Variants in PAM observed in about 807,000 individuals in gnomAD.
PAM encodes the protein peptidyl-glycine alpha-amidating monooxygenase.
PAM carries 72 observed loss-of-function variants against 122.1 expected under a neutral mutation model. The observed-to-expected ratio is 0.59, with a 90% CI of 0.49 to 0.72. PAM has a LOEUF of 0.72. PAM is among the 30% of genes least tolerant of loss of function. The pLI is 0.00. For missense variants in PAM, 1,106 were observed against 1,183.7 expected (o/e 0.93, Z 0.96); for synonymous variants, 389 against 404.4 (o/e 0.96, Z 0.46).
upstream of PAM, chr5:102,754,924 C>T (rs929893295): frequency 6.6e-6 from 1 of 152,304 alleles, no homozygotes; most frequent in Non-Finnish European, 1.5e-5. Flanking sequence ...AGTTCCAGCT[C>T]TTGGCTACCT....
At chr5:102,831,899 G>A (rs957659927) in intron 1 of PAM, among the ~76,000 whole-genome samples, 1 of 148,136 alleles carries the variant, frequency 6.8e-6, no homozygotes, top group Non-Finnish European at 1.5e-5. Flanking sequence ...TCTCTCCCCC[G>A]CCCGCCCCTG....
At chr5:103,011,105 T>A (rs928507843) in intron 21 of PAM, among the ~76,000 whole-genome samples, 5 of 152,040 alleles carry the variant, frequency 3.3e-5, no homozygotes, top group Admixed American at 2.6e-4. Flanking sequence ...CAAAAAACCC[T>A]TACAACTCCA....
intron 1 of PAM, among the ~76,000 whole-genome samples, chr5:102,832,484 A>G (rs1775762987): frequency 6.6e-6 from 1 of 152,172 alleles, no homozygotes; most frequent in Non-Finnish European, 1.5e-5. Context: ...CCCTACAAAT[A>G]CATATCTATG....
At chr5:102,933,694 AG>A (rs1344124861) in intron 7 of PAM, among the ~76,000 whole-genome samples, 1 of 152,258 alleles carries the variant, frequency 6.6e-6, no homozygotes, top group East Asian at 1.9e-4. Flanking sequence ...CTGTGACTCC[AG>A]CTGTATCTCT....
intron 16 of PAM, among the ~76,000 whole-genome samples, chr5:102,997,852 T>C (rs919957789): frequency 5.3e-5 from 8 of 152,220 alleles, no homozygotes; most frequent in African/African-American, 1.7e-4. Context: ...TGATAGAGGA[T>C]GTTTTTCACT....
intron 24 of PAM, 187 bp downstream of exon 24, chr5:103,025,521 T>C (rs374129152): frequency 1.3e-4 from 81 of 625,406 alleles, no homozygotes; most frequent in East Asian, 9.3e-4. Flanking sequence ...CAGTACAAAA[T>C]AGTATCTGGA....
chr5:103,028,653 T>C (rs1262599586), intron 25 of PAM, among the ~76,000 whole-genome samples: 1 of 152,210 alleles, frequency 6.6e-6, no homozygotes, highest in Non-Finnish European at 1.5e-5. Flanking sequence ...AAAGTGAATA[T>C]GAAATATTCC....
chr5:102,780,755 CTTTCTTTCTTTCTT>C (rs1412144898), intron 1 of PAM, among the ~76,000 whole-genome samples: 4 of 16,272 alleles, frequency 2.5e-4, no homozygotes, highest in African/African-American at 9.4e-4. Context: ...CTTTCTTTCT[CTTTCTTTCTTTCTT>C]TCTTTCTTTC....
chr5:102,874,355 T>C (rs904121369), intron 3 of PAM, among the ~76,000 whole-genome samples: 1 of 152,198 alleles, frequency 6.6e-6, no homozygotes, highest in African/African-American at 2.4e-5. Flanking sequence ...CAAATTAAAG[T>C]CACTTGTCAT....
chr5:102,944,452 A>T (rs959325874), intron 7 of PAM, among the ~76,000 whole-genome samples: 7 of 152,202 alleles, frequency 4.6e-5, no homozygotes, highest in Non-Finnish European at 8.8e-5. Flanking sequence ...CTAAAATAAG[A>T]ATAAATGAAA....
At chr5:102,853,114 G>A (rs779607525) in intron 1 of PAM, among the ~76,000 whole-genome samples, 22 of 152,134 alleles carry the variant, frequency 1.4e-4, no homozygotes, top group Non-Finnish European at 3.1e-4. Flanking sequence ...GACTGCTTCT[G>A]TATAGTTTTC....
intron 13 of PAM, 60 bp downstream of exon 13, chr5:102,960,119 T>C: frequency 1.5e-5 from 14 of 936,826 alleles, no homozygotes; most frequent in Non-Finnish European, 2.3e-5. Context: ...TTTTTGTATG[T>C]ATCTTGTTTG....
chr5:102,972,772 G>A (rs189537644), intron 14 of PAM, among the ~76,000 whole-genome samples: 1 of 152,284 alleles, frequency 6.6e-6, no homozygotes, highest in East Asian at 1.9e-4. Flanking sequence ...AACAGATTTG[G>A]TTGACTTATA....
At chr5:102,897,155 G>T (rs532070388) in intron 3 of PAM, among the ~76,000 whole-genome samples, 1 of 151,578 alleles carries the variant, frequency 6.6e-6, no homozygotes, top group Non-Finnish European at 1.5e-5. Context: ...AACTACCAAC[G>T]CTCTTGAAAT....
chr5:102,770,998 C>G (rs1755627089), intron 1 of PAM, among the ~76,000 whole-genome samples: 1 of 151,968 alleles, frequency 6.6e-6, no homozygotes, highest in Admixed American at 6.6e-5. Context: ...GTATTGATCC[C>G]TGAAGGGGTT....
chr5:102,909,345 C>G (rs1800682848), intron 4 of PAM, among the ~76,000 whole-genome samples: 1 of 151,794 alleles, frequency 6.6e-6, no homozygotes, highest in South Asian at 2.1e-4. Flanking sequence ...TAAAATAATT[C>G]TAAAATATCA....
chr5:102,764,040 GC>G (rs1031095496), intron 1 of PAM, among the ~76,000 whole-genome samples: 6 of 152,124 alleles, frequency 3.9e-5, no homozygotes, highest in African/African-American at 1.2e-4. Flanking sequence ...CTGGGAAGTG[GC>G]AGTGAAGATA....
At chr5:102,823,273 G>C (rs1191608663) in intron 1 of PAM, among the ~76,000 whole-genome samples, 1 of 152,126 alleles carries the variant, frequency 6.6e-6, no homozygotes, top group African/African-American at 2.4e-5. Context: ...TTACAGAATA[G>C]AGTAAAATCA....
At chr5:103,014,074 C>G (rs917576313) in intron 21 of PAM, among the ~76,000 whole-genome samples, 1 of 152,194 alleles carries the variant, frequency 6.6e-6, no homozygotes, top group South Asian at 2.1e-4. Flanking sequence ...TTTGAACTAA[C>G]TTCCTCATAT....
Sources: gnomAD v4.1 joint callset for allele counts (sites outside exome capture counted in the v4.1 genomes callset) on GRCh38, gnomAD v4.1.1 for gene constraint, MANE v1.5 for transcripts, NCBI Gene and HGNC (gene_info 2026-07-23, HGNC 2026-07-21) for gene names.